LPCAT3: variants seen among roughly 807,000 people sequenced by gnomAD.
The protein encoded by LPCAT3 is lysophospholipid acyltransferase 5.
LPCAT3 carries 21 observed loss-of-function variants against 63.4 expected under a neutral mutation model. The ratio of observed to expected loss-of-function variants is 0.33; its 90% CI spans 0.23 to 0.48. LPCAT3 has a LOEUF of 0.48. LPCAT3 is among the 20% of genes least tolerant of loss of function. The pLI is 0.99. For missense variants in LPCAT3, 451 were observed against 590.6 expected (o/e 0.76, Z 2.45); for synonymous variants, 242 against 227.5 (o/e 1.06, Z -0.58).
intron 1 of LPCAT3, among the ~76,000 whole-genome samples, chr12:6,996,292 C>T (rs1409026328): frequency 1.3e-5 from 2 of 152,198 alleles, no homozygotes; most frequent in Non-Finnish European, 2.9e-5. Context: ...ACCTCAGGTC[C>T]TTTGTAAAAT....
chr12:7,004,829 A>T (rs1946715355), intron 1 of LPCAT3, among the ~76,000 whole-genome samples: 1 of 152,186 alleles, frequency 6.6e-6, no homozygotes, highest in Non-Finnish European at 1.5e-5. Flanking sequence ...TATAAGATGA[A>T]AGCTAACTTC....
At chr12:7,016,249 C>T (rs1555157608) in intron 1 of LPCAT3, among the ~76,000 whole-genome samples, 2 of 151,366 alleles carry the variant, frequency 1.3e-5, no homozygotes, top group South Asian at 4.2e-4. Context: ...ATGGCATGAG[C>T]CACCACGCCC....
intron 1 of LPCAT3, among the ~76,000 whole-genome samples, chr12:7,005,233 T>C (rs1041747101): frequency 6.6e-6 from 1 of 152,232 alleles, no homozygotes; most frequent in Admixed American, 6.5e-5. Context: ...GTCACAATTT[T>C]TCAAGGTTCA....
Position 6,977,824 on chromosome 12 carries a change from T to G in LPCAT3, c.1041-79A>C. The G allele has an allele frequency of 1.3e-6, 2 of 1,542,700 alleles. No individual in the cohort carries two copies. Among genetic ancestry groups the G allele is most frequent in the Non-Finnish European group, 1.8e-6 (2 of 1,122,620 alleles). ...GCCACCTGCCTCTGGGTCCTCACCC[T>G]GAGGATTGGATTGGAGTGCTGGTGG... On this transcript the variant is annotated intron_variant, in intron 9 of 12. Transcript: ENST00000261407. This position sits in a 1 kb window ranked among gnomAD's most constrained non-coding sequence, Gnocchi z 4.5.
Position 6,987,615 on chromosome 12 carries a change from AT to A in LPCAT3, c.152-4077del, listed in dbSNP as rs1946541949. The stretch of plus-strand genomic sequence containing the variant: ...TTAGTAACGGGGTATAAATAAAAAA[AT>A]ATAAAACAGTAGATAATTATCTAGA... On this transcript the variant is annotated intron_variant, in intron 1 of 12. Coordinates refer to ENST00000261407, the MANE Select transcript of LPCAT3 (RefSeq NM_005768.6). The surrounding 1 kb of genome is among the most constrained non-coding windows in gnomAD (Gnocchi z 4.1). Among the ~76,000 whole-genome samples the A allele has an allele frequency of 6.6e-6, 1 of 152,258 alleles. No homozygotes were observed. The highest frequency in any genetic ancestry group is 1.5e-5 in the Non-Finnish European group (1 of 68,052).
intron 3 of LPCAT3, 120 bp downstream of exon 3, chr12:6,982,556 A>C (rs1255934738): frequency 2.9e-6 from 2 of 697,644 alleles, no homozygotes; most frequent in Admixed American, 4.7e-5. Context: ...CATACTGCTA[A>C]GTGCTGGGAG....
intron 1 of LPCAT3, among the ~76,000 whole-genome samples, chr12:7,016,824 G>A (rs1946800293): frequency 6.6e-6 from 1 of 152,198 alleles, no homozygotes; most frequent in Non-Finnish European, 1.5e-5. Context: ...TGATGTCTGG[G>A]TGACACTGAG....
chr12:7,006,849 C>T (rs1946728112), intron 1 of LPCAT3, among the ~76,000 whole-genome samples: 2 of 152,152 alleles, frequency 1.3e-5, no homozygotes, highest in Admixed American at 1.3e-4. Context: ...GTGTCCAAGT[C>T]CATCTGAGTT....
chr12:7,012,073 T>A (rs1946767334), intron 1 of LPCAT3, among the ~76,000 whole-genome samples: 1 of 152,240 alleles, frequency 6.6e-6, no homozygotes, highest in African/African-American at 2.4e-5. Flanking sequence ...TTAGTGATGC[T>A]AATTCTGAAC....
chr12:6,990,230 C>G (rs147621854), intron 1 of LPCAT3, among the ~76,000 whole-genome samples: 63 of 150,256 alleles, frequency 4.2e-4, no homozygotes, highest in African/African-American at 1.4e-3. Flanking sequence ...AAAATATAAG[C>G]GGGGCACGGT....
chr12:6,998,268 A>C (rs782626969), intron 1 of LPCAT3, among the ~76,000 whole-genome samples: 21 of 152,356 alleles, frequency 1.4e-4, no homozygotes, highest in Admixed American at 1.1e-3. Flanking sequence ...CTCCTGCCTC[A>C]GCCTCACAAA....
chr12:7,000,935 C>T (rs2138352992), intron 1 of LPCAT3, among the ~76,000 whole-genome samples: 1 of 152,122 alleles, frequency 6.6e-6, no homozygotes, highest in Admixed American at 6.5e-5. Context: ...TCTCGATCTC[C>T]TGACCTCGTG....
chr12:6,984,216 T>C (rs1283476840), intron 1 of LPCAT3, among the ~76,000 whole-genome samples: 1 of 152,204 alleles, frequency 6.6e-6, no homozygotes, highest in African/African-American at 2.4e-5. Flanking sequence ...CATTTAAGTA[T>C]ACTAAAAAAA....
intron 5 of LPCAT3, 73 bp from the exon 6 acceptor site, chr12:6,981,255 C>T: frequency 6.5e-6 from 8 of 1,235,928 alleles, no homozygotes; most frequent in Non-Finnish European, 9.1e-6. Flanking sequence ...GAGTGTTCCC[C>T]ACCTGTGTGC....
Position 7,017,734 on chromosome 12 carries a change from C to T in LPCAT3, c.151+540G>A, listed in dbSNP as rs1277693476. On this transcript the variant is annotated intron_variant, in intron 1 of 12. Transcript: ENST00000261407. This position sits in a 1 kb window ranked among gnomAD's most constrained non-coding sequence, Gnocchi z 4.1. ...GTGGCTTGGAAAATAAAAAAAGCAA[C>T]ATGGTATAAAAAGAAAATAGTAGGA... Among the ~76,000 whole-genome samples, 1 of 152,040 alleles carries T rather than the reference C, an allele frequency of 6.6e-6. No individual in the cohort carries two copies. Among genetic ancestry groups the T allele is most frequent in the Admixed American group, 6.5e-5 (1 of 15,268 alleles).
At chr12:6,988,833 TAA>T (rs1444464113) in intron 1 of LPCAT3, among the ~76,000 whole-genome samples, 2 of 152,134 alleles carry the variant, frequency 1.3e-5, no homozygotes, top group African/African-American at 4.8e-5. Context: ...CAGAGGTTTG[TAA>T]GAACTTGTTG....
intron 5 of LPCAT3, 124 bp downstream of exon 5, chr12:6,981,471 A>T: frequency 1.0e-6 from 1 of 971,822 alleles, no homozygotes; most frequent in South Asian, 1.3e-5. Flanking sequence ...TGAAAGGGAG[A>T]TTGCACAGGC....
intron 1 of LPCAT3, among the ~76,000 whole-genome samples, chr12:7,006,554 T>C (rs1555156870): frequency 1.3e-5 from 2 of 152,206 alleles, no homozygotes; most frequent in Admixed American, 6.5e-5. Context: ...GTATGCTATC[T>C]AGGAGTTCCC....
chr12:7,009,113 G>A (rs1946745717), intron 1 of LPCAT3, among the ~76,000 whole-genome samples: 1 of 152,126 alleles, frequency 6.6e-6, no homozygotes, highest in Non-Finnish European at 1.5e-5. Flanking sequence ...CCAGGCTGGA[G>A]TGCCATGGTG....
Sources: gnomAD v4.1 joint callset for allele counts (sites outside exome capture counted in the v4.1 genomes callset) on GRCh38, gnomAD v4.1.1 for gene constraint, Gnocchi (gnomAD v3.1) non-coding constraint, MANE v1.5 for transcripts, NCBI Gene and HGNC (gene_info 2026-07-23, HGNC 2026-07-21) for gene names.